Variants in DRAXIN observed in about 807,000 individuals in gnomAD.
DRAXIN encodes the protein dorsal inhibitory axon guidance protein.
DRAXIN carries 27 observed loss-of-function variants against 33.9 expected under a neutral mutation model. The observed-to-expected ratio is 0.80, with a 90% CI of 0.59 to 1.10. The LOEUF (loss-of-function observed/expected upper bound fraction) is 1.10, where lower values mean the gene tolerates loss of function less well. DRAXIN is among the 50% of genes least tolerant of loss of function. The pLI, the probability that DRAXIN is intolerant of heterozygous loss-of-function variation, is 0.00. For missense variants in DRAXIN, 371 were observed against 460.8 expected, an observed-to-expected ratio of 0.81 and a Z score of 1.78; for synonymous variants, 178 against 194.0, an observed-to-expected ratio of 0.92 and a Z score of 0.69.
At chr1:11,712,765 G>GTGCC (rs1168169584) in intron 5 of DRAXIN, among the ~76,000 whole-genome samples, 1 of 152,094 alleles carries the variant, frequency 6.6e-6, no homozygotes, top group African/African-American at 2.4e-5. Flanking sequence ...CGGGCATGGT[G>GTGCC]GAACATGCCT....
In DRAXIN at chr1:11,706,196, G is replaced by C; in HGVS notation, c.-10-53G>C. ...CTGGGCTTTAATCATTTGAGTGAGGGGCAGCAGAGAGAGGCCTGGGGCTGC... is the reference window on the plus strand; with the variant it reads ...CTGGGCTTTAATCATTTGAGTGAGGCGCAGCAGAGAGAGGCCTGGGGCTGC... On this transcript the variant is annotated intron_variant, in intron 1 of 6. Coordinates refer to ENST00000294485, the MANE Select transcript of DRAXIN (RefSeq NM_198545.4). This position sits in a 1 kb window ranked among gnomAD's most constrained non-coding sequence, Gnocchi z 5.5. The C allele has an allele frequency of 7.0e-7, 1 of 1,429,610 alleles. No individual in the cohort carries two copies. Among genetic ancestry groups the C allele is most frequent in the Non-Finnish European group, 9.3e-7 (1 of 1,076,738 alleles). The allele number at this position is 1,429,610 out of a possible 1,614,324, so 88.6% of individuals were successfully genotyped here. A position where few individuals can be genotyped will look rare whatever the true frequency, so the allele number is the denominator to read the frequency against.
At chr1:11,700,470 G>A (rs1057117175) in intron 1 of DRAXIN, among the ~76,000 whole-genome samples, 2 of 152,236 alleles carry the variant, frequency 1.3e-5, no homozygotes, top group Non-Finnish European at 1.5e-5. Context: ...TGAACCAGAA[G>A]CCCAAGTTAT....
chr1:11,718,486 CAG>C lies in DRAXIN; in HGVS notation c.938-1095_938-1094del, dbSNP rs556942171. ...ATTTTATTTTTTAATTTTTTTGAGA[CAG>C]AGTCTCACTCTGTTACCCAGGCTGA... On this transcript the variant is annotated intron_variant, in intron 6 of 6. Coordinates refer to ENST00000294485, the MANE Select transcript of DRAXIN (RefSeq NM_198545.4). Among the ~76,000 whole-genome samples, 168 of 152,152 alleles carry C rather than the reference CAG, an allele frequency of 1.1e-3. 1 individual carries two copies. The highest frequency in any genetic ancestry group is 3.7e-3 in the African/African-American group (153 of 41,524).
At chr1:11,714,207 C>T (rs952787515) in intron 5 of DRAXIN, among the ~76,000 whole-genome samples, 3 of 139,738 alleles carry the variant, frequency 2.1e-5, no homozygotes, top group Admixed American at 7.0e-5. Flanking sequence ...CCTGTCTCAA[C>T]AAAACAAAAC....
At chr1:11,687,211 G>A (rs1640973522), upstream of DRAXIN, among the ~76,000 whole-genome samples, 1 of 152,074 alleles carries the variant, frequency 6.6e-6, no homozygotes, top group South Asian at 2.1e-4. This position sits in a 1 kb window ranked among gnomAD's most constrained non-coding sequence, Gnocchi z 4.1. Context: ...GGCTACAGGT[G>A]TGCACCATCA....
At chr1:11,697,377 C>A (rs1390068254) in intron 1 of DRAXIN, among the ~76,000 whole-genome samples, 1 of 152,246 alleles carries the variant, frequency 6.6e-6, no homozygotes, top group Non-Finnish European at 1.5e-5. Flanking sequence ...TGGGACCCTC[C>A]CAAGGCCAGA....
At position 11,715,133 on chromosome 1, in the gene DRAXIN, C is replaced by G. The variant is rs758820844; in HGVS notation, c.862C>G (p.Leu288Val). Residue 288 changes from leucine (L) to valine (V), a missense_variant, in exon 6 of 7, where the codon CTG becomes GTG. Leu to Val is a conservative substitution (Grantham distance 32). Coordinates refer to ENST00000294485, the MANE Select transcript of DRAXIN (RefSeq NM_198545.4). ...QDCLPGTCCD[L>V]REHLCTPHNR... ...TGTGTTGGCAGGGACTTGCTGCGAC[C>G]TGCGGGAGCATCTCTGCACACCCCA... 1.1e-5 allele frequency: 17 copies of G among 1,614,274 alleles called. No individual in the cohort carries two copies. Among genetic ancestry groups the G allele is most frequent in the Non-Finnish European group, 1.4e-5 (17 of 1,180,056 alleles).
At position 11,696,723 on chromosome 1, in the gene DRAXIN, T is replaced by C. The variant is rs1641197930; in HGVS notation, c.-11+4870T>C. ...CAAAAATTAGCCGGGCGTGGTGGTG[T>C]GCACCTGTAGTCCCAGCTACTCGGG... On this transcript the variant is annotated intron_variant, in intron 1 of 6. Coordinates refer to ENST00000294485, the MANE Select transcript of DRAXIN (RefSeq NM_198545.4). The surrounding 1 kb of genome is among the most constrained non-coding windows in gnomAD (Gnocchi z 4.7). Among the ~76,000 whole-genome samples, 1 of 151,590 alleles carries C rather than the reference T, an allele frequency of 6.6e-6. No individual in the cohort carries two copies. The highest frequency in any genetic ancestry group is 2.4e-5 in the African/African-American group (1 of 41,250).
chr1:11,689,548 A>AT (rs988341944), upstream of DRAXIN, among the ~76,000 whole-genome samples: 3 of 150,290 alleles, frequency 2.0e-5, no homozygotes, highest in Admixed American at 6.7e-5. Flanking sequence ...GTGAGCTGAG[A>AT]TTGTGCCACT....
In DRAXIN at chr1:11,708,480, G is replaced by A. The variant is rs1167866530; in HGVS notation, c.452-795G>A. Among the ~76,000 whole-genome samples, 5 of 152,138 alleles carry A rather than the reference G, an allele frequency of 3.3e-5. No homozygotes were observed. The East Asian group carries it at 5.8e-4, about 18-fold the overall frequency. ...ACAAAAATTAGCCAGGTGTGGTGGC[G>A]CATGCCTGTAATCCCAGTTACTCAG... is the stretch of plus-strand genomic sequence containing the variant. On this transcript the variant is annotated intron_variant, in intron 2 of 6. Coordinates refer to ENST00000294485, the MANE Select transcript of DRAXIN (RefSeq NM_198545.4).
At chr1:11,702,432 C>G (rs1641307318) in intron 1 of DRAXIN, among the ~76,000 whole-genome samples, 1 of 151,268 alleles carries the variant, frequency 6.6e-6, no homozygotes, top group Non-Finnish European at 1.5e-5. Context: ...CACACACATG[C>G]TAACACTCCT....
chr1:11,706,126 A>G lies in DRAXIN; in HGVS notation c.-10-123A>G. 1.0e-6 allele frequency: 1 copy of G among 973,014 alleles called. No individual in the cohort carries two copies. Among genetic ancestry groups the G allele is most frequent in the Non-Finnish European group, 1.5e-6 (1 of 682,356 alleles). The allele number at this position is 973,014 out of a possible 1,614,324, so 60.3% of individuals were successfully genotyped here. ...TAAAATATGTCTTCGGGCATTGCCAAATGTCACTGGGAGCAAAATGTCCCT... is the reference window on the plus strand; with the variant it reads ...TAAAATATGTCTTCGGGCATTGCCAGATGTCACTGGGAGCAAAATGTCCCT... On this transcript the variant is annotated intron_variant, in intron 1 of 6. Coordinates refer to ENST00000294485, the MANE Select transcript of DRAXIN (RefSeq NM_198545.4). The surrounding 1 kb of genome is among the most constrained non-coding windows in gnomAD (Gnocchi z 5.5).
chr1:11,707,361 C>T (rs149432233), intron 2 of DRAXIN, among the ~76,000 whole-genome samples: 182 of 152,332 alleles, frequency 1.2e-3, no homozygotes, highest in African/African-American at 4.2e-3. Context: ...CTGACGCATC[C>T]GGTAGGAGCT....
rs1641653908 is a variant in DRAXIN, at chr1:11,721,103, C to T, written c.*1407C>T. On this transcript the variant is annotated 3_prime_UTR_variant, in exon 7 of 7. Coordinates refer to ENST00000294485, the MANE Select transcript of DRAXIN (RefSeq NM_198545.4). ...TTTACAGTTTTCTGGAGCACTTCCC[C>T]CCCAGGGGTTCTGATGCAAGCATGG... 2 of 152,170 alleles carry T rather than the reference C, an allele frequency of 1.3e-5. No homozygotes were observed. Among genetic ancestry groups the T allele is most frequent in the African/African-American group, 4.8e-5 (2 of 41,426 alleles). 9.4% of individuals were successfully genotyped at this position (152,170 alleles called of 1,614,324 possible).
At position 11,694,500 on chromosome 1, in the gene DRAXIN, G is replaced by A. The variant is rs913036769; in HGVS notation, c.-11+2647G>A. Among the ~76,000 whole-genome samples, 10 of 152,272 alleles carry A rather than the reference G, an allele frequency of 6.6e-5. No individual in the cohort carries two copies. Among genetic ancestry groups the A allele is most frequent in the South Asian group, 2.1e-4 (1 of 4,832 alleles). ...GAGAACGAAGTGGCTCACCCCAGCC[G>A]TGCAGATTGGGTTTGAAGCCCAGCT... On this transcript the variant is annotated intron_variant, in intron 1 of 6. Coordinates refer to ENST00000294485, the MANE Select transcript of DRAXIN (RefSeq NM_198545.4). This position sits in a 1 kb window ranked among gnomAD's most constrained non-coding sequence, Gnocchi z 4.9.
At chr1:11,712,191 C>A in intron 4 of DRAXIN, 149 bp from the exon 5 acceptor site, 1 of 974,228 alleles carries the variant, frequency 1.0e-6, no homozygotes, top group Non-Finnish European at 1.6e-6. Context: ...CTCATGTTAC[C>A]CTGAGGGAAA....
upstream of DRAXIN, among the ~76,000 whole-genome samples, chr1:11,691,205 T>C (rs1033958828): frequency 6.7e-5 from 10 of 148,738 alleles, no homozygotes; most frequent in Non-Finnish European, 1.0e-4. Flanking sequence ...CTAGGCGGAA[T>C]AATCCTTTTG....
intron 1 of DRAXIN, among the ~76,000 whole-genome samples, chr1:11,695,614 ATAT>A (rs763293121): frequency 1.9e-5 from 2 of 103,488 alleles, no homozygotes; most frequent in African/African-American, 4.3e-5. Context: ...AAAAAAAAAT[ATAT>A]ATATATATAT....
upstream of DRAXIN, among the ~76,000 whole-genome samples, chr1:11,690,186 G>GAC (rs1262678806): frequency 6.6e-6 from 1 of 151,954 alleles, no homozygotes; most frequent in Non-Finnish European, 1.5e-5. The surrounding 1 kb of genome is among the most constrained non-coding windows in gnomAD (Gnocchi z 4.2). Context: ...TCCTTCACTA[G>GAC]AATCTGAGCT....
Sources: allele counts gnomAD v4.1 joint callset (sites outside exome capture counted in the v4.1 genomes callset), GRCh38; gene constraint gnomAD v4.1.1; non-coding constraint Gnocchi (gnomAD v3.1); transcripts MANE v1.5; gene names NCBI Gene and HGNC (gene_info 2026-07-23, HGNC 2026-07-21).